GABRB2: variants seen among roughly 807,000 people sequenced by gnomAD.
GABRB2 encodes the protein gamma-aminobutyric acid type A receptor subunit beta2.
Under a neutral mutation model 54.7 loss-of-function variants are expected in GABRB2, and 16 were observed. The ratio of observed to expected loss-of-function variants is 0.29; its 90% CI spans 0.20 to 0.44. The LOEUF (loss-of-function observed/expected upper bound fraction) is 0.44, where lower values mean the gene tolerates loss of function less well. Ranked by LOEUF, GABRB2 falls within the 20% of genes least tolerant of loss-of-function variation. The probability of loss-of-function intolerance (pLI) is 1.00; values close to 1 mark genes in which losing one functional copy is unlikely to be tolerated. For synonymous variants in GABRB2, 244 were observed against 233.8 expected (o/e 1.04, Z -0.40); for missense variants, 355 against 644.0 (o/e 0.55, Z 4.86).
chr5:161,303,435 A>G (rs1229198082), intron 9 of GABRB2, among the ~76,000 whole-genome samples: 1 of 152,150 alleles, frequency 6.6e-6, no homozygotes, highest in African/African-American at 2.4e-5. Flanking sequence ...TAATGAATTC[A>G]TTCTTTATGG....
chr5:161,294,446 C>G lies in GABRB2; in HGVS notation c.1192-18G>C, dbSNP rs376744140. The G allele has an allele frequency of 1.9e-6, 3 of 1,596,652 alleles. No homozygotes were observed. Among genetic ancestry groups the G allele is most frequent in the East Asian group, 2.2e-5 (1 of 44,660 alleles). Reference sequence around the variant, plus strand: ...GGGTCCATCTGCAAGGGAAGAGAATCAAAAAGACAATCAGAACAATGAAGC... The same window carrying G: ...GGGTCCATCTGCAAGGGAAGAGAATGAAAAAGACAATCAGAACAATGAAGC... On this transcript the variant is annotated intron_variant, in intron 9 of 9. Coordinates refer to ENST00000393959, the MANE Select transcript of GABRB2 (RefSeq NM_001371727.1).
chr5:161,342,730 C>T (rs2113419401), intron 5 of GABRB2, among the ~76,000 whole-genome samples: 1 of 152,154 alleles, frequency 6.6e-6, no homozygotes, highest in South Asian at 2.1e-4. Context: ...GCCAGGTAAG[C>T]ACTGGAGAAG....
At chr5:161,308,404 A>G (rs961568517) in intron 9 of GABRB2, among the ~76,000 whole-genome samples, 1 of 152,222 alleles carries the variant, frequency 6.6e-6, no homozygotes, top group Admixed American at 6.5e-5. Context: ...GGAAGAATCA[A>G]TATCATTAAA....
At chr5:161,498,492 T>A (rs979261881) in intron 3 of GABRB2, among the ~76,000 whole-genome samples, 39 of 152,138 alleles carry the variant, frequency 2.6e-4, no homozygotes, top group African/African-American at 7.2e-4. Context: ...TCAAGAATGA[T>A]AACCTACTAA....
At chr5:161,546,268 C>A in intron 2 of GABRB2, 54 bp downstream of exon 2, 2 of 1,453,022 alleles carry the variant, frequency 1.4e-6, no homozygotes, top group Non-Finnish European at 1.9e-6. Flanking sequence ...GCGCACAAAG[C>A]TCAAAAGACA....
chr5:161,401,261 T>C (rs1756179505), intron 5 of GABRB2, among the ~76,000 whole-genome samples: 1 of 152,214 alleles, frequency 6.6e-6, no homozygotes, highest in East Asian at 1.9e-4. Flanking sequence ...GATAACGTTA[T>C]GTATTATGTT....
intron 5 of GABRB2, among the ~76,000 whole-genome samples, chr5:161,406,188 C>T (rs1223848209): frequency 6.6e-6 from 1 of 152,072 alleles, no homozygotes. Flanking sequence ...TTCACTTAAT[C>T]CAAATCCAGA....
intron 3 of GABRB2, among the ~76,000 whole-genome samples, chr5:161,537,392 C>A (rs1395396052): frequency 6.6e-6 from 1 of 152,016 alleles, no homozygotes; most frequent in East Asian, 1.9e-4. Flanking sequence ...TTTGGAGATT[C>A]CATGTGCATA....
chr5:161,375,018 ATGT>A lies in GABRB2; in HGVS notation c.541+35954_541+35956del, dbSNP rs368614922. ...TTTGCATGTTTTACTATTGCTAACC[ATGT>A]ATAGTTCAGCGTGAGAGACAAAATG... On this transcript the variant is annotated intron_variant, in intron 5 of 9. Transcript: ENST00000393959. Among the ~76,000 whole-genome samples, 65 of 152,314 alleles carry A rather than the reference ATGT, an allele frequency of 4.3e-4. 1 individual carries two copies. In the East Asian group the frequency reaches 0.01, roughly 24 times the overall value.
rs112391959 is a variant in GABRB2, at chr5:161,514,997, T to G, written c.237+30230A>C. Among the ~76,000 whole-genome samples, 18 of 152,302 alleles carry G rather than the reference T, an allele frequency of 1.2e-4. 1 individual carries two copies. The highest frequency in any genetic ancestry group is 4.3e-4 in the African/African-American group (18 of 41,566). On this transcript the variant is annotated intron_variant, in intron 3 of 9. Transcript: ENST00000393959. ...CATTAGGGAGTAGCCATAATAGCAT[T>G]CATCCGTATTTGTCAATGCTGCCAT...
At chr5:161,412,484 C>T (rs1041323292) in intron 4 of GABRB2, among the ~76,000 whole-genome samples, 3 of 152,148 alleles carry the variant, frequency 2.0e-5, no homozygotes, top group African/African-American at 7.2e-5. Context: ...GGTCTCCCAG[C>T]CACTCTATTC....
intron 5 of GABRB2, among the ~76,000 whole-genome samples, chr5:161,408,630 T>A (rs1370661150): frequency 6.6e-6 from 1 of 151,960 alleles, no homozygotes; most frequent in East Asian, 1.9e-4. Context: ...GACAAGGTAT[T>A]AATAATTTAG....
chr5:161,312,018 T>G (rs1324774579), intron 9 of GABRB2, among the ~76,000 whole-genome samples: 1 of 148,944 alleles, frequency 6.7e-6, no homozygotes, highest in Non-Finnish European at 1.5e-5. Flanking sequence ...CAGTAATGTT[T>G]TGTGTGTGTG....
chr5:161,308,058 T>G (rs1757752227), intron 9 of GABRB2, among the ~76,000 whole-genome samples: 1 of 147,822 alleles, frequency 6.8e-6, no homozygotes. Context: ...AGATGGGGTT[T>G]CACCATGTTG....
chr5:161,397,938 C>T (rs574993362), intron 5 of GABRB2, among the ~76,000 whole-genome samples: 3 of 151,826 alleles, frequency 2.0e-5, no homozygotes, highest in African/African-American at 7.3e-5. Flanking sequence ...GGTAGATACA[C>T]CACAATGAGA....
chr5:161,379,175 C>T (rs1755392465), intron 5 of GABRB2, among the ~76,000 whole-genome samples: 1 of 152,144 alleles, frequency 6.6e-6, no homozygotes, highest in South Asian at 2.1e-4. Context: ...GGAGCTGGTG[C>T]TCAGTGAAAG....
At chr5:161,366,602 T>C (rs2113460717) in intron 5 of GABRB2, among the ~76,000 whole-genome samples, 1 of 152,238 alleles carries the variant, frequency 6.6e-6, no homozygotes, top group East Asian at 1.9e-4. Context: ...AACTGTTAAC[T>C]GAAAGAATCC....
chr5:161,336,614 CT>C lies in GABRB2; in HGVS notation c.679+17del. 6.2e-7 allele frequency: 1 copy of C among 1,610,542 alleles called. No individual in the cohort carries two copies. ...CGGTGAAGATTATTTTCCCTTAACA[CT>C]TTTCCATGATACAAACCTGTGGAAA... On this transcript the variant is annotated intron_variant, in intron 6 of 9. Transcript: ENST00000393959.
At chr5:161,545,089 T>C (rs1195133049) in intron 3 of GABRB2, 138 bp downstream of exon 3, 4 of 555,062 alleles carry the variant, frequency 7.2e-6, no homozygotes, top group African/African-American at 2.0e-5. Context: ...CAGGGTATTC[T>C]AGGGTGAAAT....
Sources: gnomAD v4.1 joint callset for allele counts (sites outside exome capture counted in the v4.1 genomes callset) on GRCh38, gnomAD v4.1.1 for gene constraint, MANE v1.5 for transcripts, NCBI Gene and HGNC (gene_info 2026-07-23, HGNC 2026-07-21) for gene names.